WWTR1: variants seen among roughly 807,000 people sequenced by gnomAD.
The protein encoded by WWTR1 is WW domain-containing transcription regulator protein 1.
In WWTR1, 13 loss-of-function variants were observed where a neutral mutation model predicts 40.1. The ratio of observed to expected loss-of-function variants is 0.32; its 90% CI spans 0.21 to 0.52. The LOEUF is 0.52. Among genes scored for constraint, WWTR1 ranks in the 20% least tolerant of loss-of-function variants. The pLI is 0.97. For synonymous variants in WWTR1, 230 were observed against 210.1 expected, an observed-to-expected ratio of 1.09 and a Z score of -0.82; for missense variants, 436 against 523.1, an observed-to-expected ratio of 0.83 and a Z score of 1.63.
At chr3:149,538,435 A>G (rs963002611) in intron 4 of WWTR1, among the ~76,000 whole-genome samples, 7 of 152,184 alleles carry the variant, frequency 4.6e-5, no homozygotes, top group Non-Finnish European at 8.8e-5. Context: ...TTTCACAGAA[A>G]TGCACTCTTT....
intron 2 of WWTR1, among the ~76,000 whole-genome samples, chr3:149,642,081 T>C (rs1159946312): frequency 6.6e-6 from 1 of 152,236 alleles, no homozygotes; most frequent in African/African-American, 2.4e-5. Flanking sequence ...CTTCTTTCCT[T>C]CAAGCTTTTC....
intron 2 of WWTR1, among the ~76,000 whole-genome samples, chr3:149,617,955 A>T (rs576383337): frequency 1.3e-5 from 2 of 152,348 alleles, no homozygotes; most frequent in South Asian, 4.1e-4. Flanking sequence ...ATTATAGTAC[A>T]TGCACATAGA....
Position 149,681,056 on chromosome 3 carries a change from A to T in WWTR1, c.-107-11165T>A, listed in dbSNP as rs117620091. 5.1e-4 allele frequency among the ~76,000 whole-genome samples: 78 copies of T among 152,338 alleles called. 2 individuals are homozygous for T. The East Asian group carries it at 0.013, about 26-fold the overall frequency. ...ATCTTGTACTTACAGCTTTCAATAC[A>T]AGAAGTAGAATTGCTGGGTCAAAAC... On this transcript the variant is annotated intron_variant, in intron 1 of 7. Coordinates refer to the WWTR1 transcript ENST00000465804.
chr3:149,627,687 G>T (rs1228615616), intron 2 of WWTR1, among the ~76,000 whole-genome samples: 3 of 152,176 alleles, frequency 2.0e-5, no homozygotes, highest in African/African-American at 7.2e-5. Flanking sequence ...TCTCCAGGGT[G>T]GGTCTCCTTC....
At chr3:149,673,836 G>A (rs577999660) in intron 1 of WWTR1, among the ~76,000 whole-genome samples, 7 of 152,004 alleles carry the variant, frequency 4.6e-5, no homozygotes, top group Non-Finnish European at 8.8e-5. Flanking sequence ...CTATTCCCCA[G>A]AGGTCTCAAG....
intron 2 of WWTR1, among the ~76,000 whole-genome samples, chr3:149,588,824 C>T (rs951967539): frequency 6.6e-6 from 1 of 152,066 alleles, no homozygotes; most frequent in African/African-American, 2.4e-5. Flanking sequence ...GAAAATAATT[C>T]CACAGCTATA....
chr3:149,589,961 G>A (rs1052897589), intron 2 of WWTR1, among the ~76,000 whole-genome samples: 1 of 152,046 alleles, frequency 6.6e-6, no homozygotes, highest in South Asian at 2.1e-4. Flanking sequence ...ACTTGCCCCA[G>A]AAAGGAACAA....
intron 2 of WWTR1, among the ~76,000 whole-genome samples, chr3:149,667,730 A>G (rs1713893351): frequency 6.6e-6 from 1 of 152,132 alleles, no homozygotes; most frequent in African/African-American, 2.4e-5. Context: ...TTAGGACTAC[A>G]TGGGCACTAA....
intron 5 of WWTR1, among the ~76,000 whole-genome samples, chr3:149,526,457 T>C (rs2107906367): frequency 6.6e-6 from 1 of 151,866 alleles, no homozygotes; most frequent in South Asian, 2.1e-4. Flanking sequence ...TATGGATACA[T>C]ACACTAACGG....
chr3:149,661,277 A>G (rs1257838324), upstream of WWTR1: 2 of 152,452 alleles, frequency 1.3e-5, no homozygotes, highest in Non-Finnish European at 2.9e-5. Context: ...AGTGACCACC[A>G]GTAAGACCAG....
chr3:149,621,861 C>T (rs1175260567), intron 2 of WWTR1, among the ~76,000 whole-genome samples: 1 of 152,198 alleles, frequency 6.6e-6, no homozygotes, highest in African/African-American at 2.4e-5. Context: ...GGCACAATTT[C>T]CGAATTAGTT....
At chr3:149,527,435 C>T (rs931159953) in intron 5 of WWTR1, among the ~76,000 whole-genome samples, 1 of 152,174 alleles carries the variant, frequency 6.6e-6, no homozygotes, top group African/African-American at 2.4e-5. Flanking sequence ...GCATGAGCCA[C>T]CATGCCTGGC....
At chr3:149,529,493 A>G (rs1422026211) in intron 4 of WWTR1, among the ~76,000 whole-genome samples, 1 of 152,228 alleles carries the variant, frequency 6.6e-6, no homozygotes, top group Admixed American at 6.5e-5. Context: ...GTTCATCTAG[A>G]TTGCAAATAA....
At chr3:149,523,557 T>C (rs1735160799) in intron 6 of WWTR1, among the ~76,000 whole-genome samples, 1 of 152,196 alleles carries the variant, frequency 6.6e-6, no homozygotes, top group African/African-American at 2.4e-5. Context: ...CACAAGGCAA[T>C]TCTTAAAAGG....
intron 2 of WWTR1, among the ~76,000 whole-genome samples, chr3:149,642,178 T>C (rs893603930): frequency 3.3e-5 from 5 of 152,094 alleles, no homozygotes; most frequent in African/African-American, 1.2e-4. Flanking sequence ...CCCAGCACTT[T>C]GGGAGGCCGA....
chr3:149,577,539 C>G (rs983785434), intron 2 of WWTR1, among the ~76,000 whole-genome samples: 1 of 152,100 alleles, frequency 6.6e-6, no homozygotes, highest in Admixed American at 6.5e-5. Flanking sequence ...AATTCCTGGC[C>G]TCCAATTACA....
intron 2 of WWTR1, among the ~76,000 whole-genome samples, chr3:149,579,536 G>T (rs914862091): frequency 6.6e-6 from 1 of 152,090 alleles, no homozygotes; most frequent in South Asian, 2.1e-4. Flanking sequence ...TGCTAGCCAG[G>T]TGTGGTGGCT....
chr3:149,614,870 C>A (rs1338185961), intron 2 of WWTR1, among the ~76,000 whole-genome samples: 1 of 152,044 alleles, frequency 6.6e-6, no homozygotes, highest in Non-Finnish European at 1.5e-5. Flanking sequence ...GTAGTCCCAG[C>A]TACTCGGGAG....
rs1264125109 is a variant in WWTR1, at chr3:149,527,969, C to G, written c.772G>C (p.Glu258Gln). The G allele has an allele frequency of 3.7e-6, 6 of 1,613,458 alleles. No individual in the cohort carries two copies. The highest frequency in any genetic ancestry group is 1.1e-5 in the South Asian group (1 of 90,974). ...RMRQEELMRQ[E>Q]AALCRQLPME... Reference sequence around the variant, plus strand: ...GGGAGCTGTCGACAGAGGGCAGCTTCCTACAGTCAGAATGGGAAGCAAGAG... The same window carrying G: ...GGGAGCTGTCGACAGAGGGCAGCTTGCTACAGTCAGAATGGGAAGCAAGAG... Residue 258 changes from glutamate to glutamine, a missense_variant and splice_region_variant, in exon 5 of 7, where the codon GAA becomes CAA. Glu to Gln is a conservative substitution (Grantham distance 29). Transcript: ENST00000360632.
Sources: allele counts gnomAD v4.1 joint callset (sites outside exome capture counted in the v4.1 genomes callset), GRCh38; gene constraint gnomAD v4.1.1; transcripts MANE v1.5; gene names NCBI Gene and HGNC (gene_info 2026-07-23, HGNC 2026-07-21).